CMTM8: variants seen among roughly 807,000 people sequenced by gnomAD.
CMTM8 encodes CKLF-like MARVEL transmembrane domain-containing protein 8.
Under a neutral mutation model 18.6 loss-of-function variants are expected in CMTM8, and 12 were observed. The ratio of observed to expected loss-of-function variants is 0.65; its 90% CI spans 0.41 to 1.05. CMTM8 has a LOEUF of 1.05. Among genes scored for constraint, CMTM8 ranks in the 50% least tolerant of loss-of-function variants. The pLI is 0.00. For missense variants in CMTM8, 217 were observed against 227.2 expected (o/e 0.95, Z 0.29); for synonymous variants, 87 against 90.6 (o/e 0.96, Z 0.23).
In CMTM8 at chr3:32,317,313, A is replaced by G. The variant is rs573557022; in HGVS notation, c.148-40060A>G. 2.0e-5 allele frequency among the ~76,000 whole-genome samples: 3 copies of G among 152,362 alleles called. 1 individual carries two copies. The East Asian group carries it at 5.8e-4, about 29-fold the overall frequency. On this transcript the variant is annotated intron_variant, in intron 1 of 3. Transcript: ENST00000307526. ...ATACTTAAAACATAGATTAAACAGTAAGTATGGACAATTGTGATTACTTTT... is the reference window on the plus strand; with the variant it reads ...ATACTTAAAACATAGATTAAACAGTGAGTATGGACAATTGTGATTACTTTT...
chr3:32,353,939 G>T (rs1038615276), intron 1 of CMTM8, among the ~76,000 whole-genome samples: 1 of 151,614 alleles, frequency 6.6e-6, no homozygotes, highest in African/African-American at 2.4e-5. Flanking sequence ...CAGGTACCAC[G>T]ACGCCCAGCT....
chr3:32,263,638 A>C (rs925595656), intron 1 of CMTM8, among the ~76,000 whole-genome samples: 26 of 152,064 alleles, frequency 1.7e-4, no homozygotes, highest in Non-Finnish European at 3.1e-4. Context: ...GGCTTCAGAC[A>C]ATCAAACTTC....
At chr3:32,277,117 G>A (rs1220141584) in intron 1 of CMTM8, among the ~76,000 whole-genome samples, 1 of 152,096 alleles carries the variant, frequency 6.6e-6, no homozygotes, top group Non-Finnish European at 1.5e-5. Flanking sequence ...GAGCTCCTGG[G>A]CTCAAGTAAT....
intron 1 of CMTM8, among the ~76,000 whole-genome samples, chr3:32,293,671 C>T (rs960905765): frequency 1.7e-4 from 26 of 152,082 alleles, no homozygotes; most frequent in African/African-American, 5.8e-4. Flanking sequence ...CATGGAGAAA[C>T]CTCGTCTCTA....
intron 1 of CMTM8, among the ~76,000 whole-genome samples, chr3:32,261,621 A>G (rs568498791): frequency 1.2e-4 from 19 of 152,316 alleles, no homozygotes; most frequent in African/African-American, 4.6e-4. Context: ...TGAGCACTCT[A>G]CCATTTAAAG....
At chr3:32,272,199 A>G (rs538567787) in intron 1 of CMTM8, among the ~76,000 whole-genome samples, 24 of 152,338 alleles carry the variant, frequency 1.6e-4, no homozygotes, top group Middle Eastern at 3.4e-3. Flanking sequence ...TCAAAATTGC[A>G]GATTGCCATT....
intron 1 of CMTM8, among the ~76,000 whole-genome samples, chr3:32,352,236 A>T (rs1167900854): frequency 6.6e-6 from 1 of 152,080 alleles, no homozygotes; most frequent in East Asian, 1.9e-4. Flanking sequence ...AACTATCAAG[A>T]AATAAGAGGA....
At chr3:32,342,958 C>CT (rs1696528572) in intron 1 of CMTM8, among the ~76,000 whole-genome samples, 1 of 152,186 alleles carries the variant, frequency 6.6e-6, no homozygotes, top group Non-Finnish European at 1.5e-5. Flanking sequence ...TGCCCAAGGG[C>CT]TAATGGAATT....
At chr3:32,356,278 G>T (rs1158807484) in intron 1 of CMTM8, among the ~76,000 whole-genome samples, 4 of 152,210 alleles carry the variant, frequency 2.6e-5, no homozygotes, top group African/African-American at 9.6e-5. Flanking sequence ...GCCAGGACTT[G>T]CAGGGCTAGA....
chr3:32,280,168 A>G (rs1054036968), intron 1 of CMTM8, among the ~76,000 whole-genome samples: 1 of 152,124 alleles, frequency 6.6e-6, no homozygotes, highest in Non-Finnish European at 1.5e-5. Flanking sequence ...AGTCCAGTCA[A>G]TGTGGCCAGG....
At chr3:32,252,764 T>C (rs1702129301) in intron 1 of CMTM8, among the ~76,000 whole-genome samples, 1 of 152,224 alleles carries the variant, frequency 6.6e-6, no homozygotes. Context: ...TCATTTTCTT[T>C]TTATACTTTT....
At chr3:32,254,294 T>C (rs4615115) in intron 1 of CMTM8, among the ~76,000 whole-genome samples, 132,263 of 152,232 alleles carry the variant, frequency 0.87, 57,565 homozygotes, top group East Asian at 0.99. Context: ...CAATGTTGTA[T>C]AATTGCCACT....
chr3:32,344,771 T>C (rs1425361127), intron 1 of CMTM8, among the ~76,000 whole-genome samples: 1 of 152,172 alleles, frequency 6.6e-6, no homozygotes, highest in Non-Finnish European at 1.5e-5. Context: ...TGCATGCACC[T>C]GTAGTTCCAG....
At chr3:32,369,007 T>A (rs1345061697) in intron 3 of CMTM8, among the ~76,000 whole-genome samples, 1 of 152,096 alleles carries the variant, frequency 6.6e-6, no homozygotes, top group Non-Finnish European at 1.5e-5. Context: ...TGTTTGAAGA[T>A]CTCTATTTAA....
chr3:32,324,202 A>G (rs747456632), intron 1 of CMTM8, among the ~76,000 whole-genome samples: 1 of 152,032 alleles, frequency 6.6e-6, no homozygotes, highest in Non-Finnish European at 1.5e-5. Context: ...AACATGACCT[A>G]TTACCCCATT....
At chr3:32,357,226 G>T in intron 1 of CMTM8, 147 bp from the exon 2 acceptor site, 2 of 711,192 alleles carry the variant, frequency 2.8e-6, no homozygotes, top group East Asian at 2.8e-5. Flanking sequence ...CCTGGGCGAC[G>T]GGAGCGAGAC....
At chr3:32,359,071 A>C (rs900557383) in intron 2 of CMTM8, among the ~76,000 whole-genome samples, 1 of 152,176 alleles carries the variant, frequency 6.6e-6, no homozygotes, top group African/African-American at 2.4e-5. Flanking sequence ...AATTGTTGGG[A>C]TGGAGGAATG....
intron 1 of CMTM8, among the ~76,000 whole-genome samples, chr3:32,319,095 T>TTTTTTTTTTTTTA (rs1695993332): frequency 1.5e-5 from 2 of 129,890 alleles, no homozygotes; most frequent in Non-Finnish European, 3.2e-5. Context: ...TTTTTTTTTT[T>TTTTTTTTTTTTTA]GAGACAGAGT....
At chr3:32,310,398 G>C (rs1449579151) in intron 1 of CMTM8, among the ~76,000 whole-genome samples, 1 of 152,158 alleles carries the variant, frequency 6.6e-6, no homozygotes, top group South Asian at 2.1e-4. Flanking sequence ...ACACTGTCTG[G>C]AGATGCTTTA....
Sources: gnomAD v4.1 joint callset for allele counts (sites outside exome capture counted in the v4.1 genomes callset) on GRCh38, gnomAD v4.1.1 for gene constraint, MANE v1.5 for transcripts, NCBI Gene and HGNC (gene_info 2026-07-23, HGNC 2026-07-21) for gene names.